The following PODXL2 variants were observed in gnomAD, a reference collection of about 807,000 sequenced individuals.
PODXL2 encodes the protein podocalyxin like 2.
PODXL2 carries 17 observed loss-of-function variants against 53.4 expected under a neutral mutation model. The ratio of observed to expected loss-of-function variants is 0.32; its 90% CI spans 0.22 to 0.48. PODXL2 has a LOEUF of 0.48. PODXL2 is among the 20% of genes least tolerant of loss of function. The pLI is 0.99. For synonymous variants in PODXL2, 311 were observed against 306.7 expected (o/e 1.01, Z -0.15); for missense variants, 673 against 760.0 (o/e 0.89, Z 1.35).
chr3:127,660,762 T>C lies in PODXL2; in HGVS notation c.734T>C (p.Leu245Pro), dbSNP rs753427864. ...VESSMGPSLLLPSVTPTTVTP... is the reference protein window; with the variant it reads ...VESSMGPSLLPPSVTPTTVTP... ...AGCAGCATGGGGCCCAGCTTGCTGC[T>C]GCCTTCAGTCACCCCAACTACAGTG... Residue 245 changes from leucine to proline, a missense_variant, in exon 3 of 8, where the codon CTG (leucine) becomes CCG (proline). Around this residue, in one of 3 missense-constraint regions of PODXL2, gnomAD observed 588 missense variants for 668.3 expected, o/e 0.88. Transcript: ENST00000342480. 1.9e-6 allele frequency: 3 copies of C among 1,614,128 alleles called. No individual in the cohort carries two copies. The East Asian group carries it at 6.7e-5, about 36-fold the overall frequency.
At chr3:127,635,679 CCAGCTGGATT>C (rs1474631342) in intron 1 of PODXL2, among the ~76,000 whole-genome samples, 3 of 152,222 alleles carry the variant, frequency 2.0e-5, no homozygotes, top group Non-Finnish European at 4.4e-5. Flanking sequence ...CCGTCACAGA[CCAGCTGGATT>C]CAGAACTCTA....
intron 1 of PODXL2, among the ~76,000 whole-genome samples, chr3:127,638,776 A>G (rs907183544): frequency 1.3e-5 from 2 of 152,240 alleles, no homozygotes; most frequent in Non-Finnish European, 2.9e-5. Context: ...GCTGAAATAC[A>G]AATGATATTC....
Position 127,672,270 on chromosome 3 carries a change from G to C in PODXL2, c.1608G>C (p.Ser536=), listed in dbSNP as rs1179600767. The C allele has an allele frequency of 6.5e-7, 1 of 1,543,192 alleles. No individual in the cohort carries two copies. The highest frequency in any genetic ancestry group is 1.4e-5 in the African/African-American group (1 of 73,144). The change falls in exon 8 of 8, where the codon TCG becomes TCC. Residue 536 remains serine (S), a splice_region_variant and synonymous_variant. Transcript: ENST00000342480. ...QRRLPKLKHV[S]HGEELRFVEN... ...GGCCTCTCCCCACCCCGCCTCAGTCGCACGGCGAGGAGCTGCGCTTCGTGG... is the reference window on the plus strand; with the variant it reads ...GGCCTCTCCCCACCCCGCCTCAGTCCCACGGCGAGGAGCTGCGCTTCGTGG...
In PODXL2 at chr3:127,672,251, T is replaced by A; in HGVS notation, c.1606-17T>A. The stretch of plus-strand genomic sequence containing the variant: ...GGCTGGCTCGCTCGCCCATGGCCTC[T>A]CCCCACCCCGCCTCAGTCGCACGGC... On this transcript the variant is annotated splice_polypyrimidine_tract_variant and intron_variant, in intron 7 of 7. Transcript: ENST00000342480. 1 of 1,538,194 alleles carries A rather than the reference T, an allele frequency of 6.5e-7. No individual in the cohort carries two copies. Among genetic ancestry groups the A allele is most frequent in the Non-Finnish European group, 8.7e-7 (1 of 1,144,986 alleles).
At chr3:127,635,552 A>G (rs2074572517) in intron 1 of PODXL2, among the ~76,000 whole-genome samples, 1 of 152,198 alleles carries the variant, frequency 6.6e-6, no homozygotes, top group Non-Finnish European at 1.5e-5. Flanking sequence ...TCATTTGGCT[A>G]TTTCTGTGTA....
intron 6 of PODXL2, among the ~76,000 whole-genome samples, chr3:127,671,188 C>G (rs1324344570): frequency 6.6e-6 from 1 of 152,122 alleles, no homozygotes; most frequent in African/African-American, 2.4e-5. Flanking sequence ...GGGGCAGAAG[C>G]TATGGTGGGA....
intron 5 of PODXL2, among the ~76,000 whole-genome samples, chr3:127,668,912 C>T (rs959299691): frequency 2.0e-5 from 3 of 152,104 alleles, no homozygotes; most frequent in African/African-American, 7.2e-5. Flanking sequence ...AGTGTGTGGG[C>T]TTCGCAAGTG....
intron 1 of PODXL2, among the ~76,000 whole-genome samples, chr3:127,630,719 G>C (rs546574986): frequency 6.6e-6 from 1 of 152,188 alleles, no homozygotes; most frequent in East Asian, 1.9e-4. Context: ...GTCAGTCTAG[G>C]GATGAAGAAA....
chr3:127,645,862 G>C (rs928627319), intron 2 of PODXL2, among the ~76,000 whole-genome samples: 4 of 152,214 alleles, frequency 2.6e-5, no homozygotes, highest in African/African-American at 7.2e-5. Context: ...CTGTCTAGGG[G>C]TTCTTGGGGA....
At chr3:127,634,552 A>G (rs930319094) in intron 1 of PODXL2, among the ~76,000 whole-genome samples, 1 of 149,452 alleles carries the variant, frequency 6.7e-6, no homozygotes, top group African/African-American at 2.5e-5. Context: ...GTTAAACTCT[A>G]TCTCTACTAA....
intron 2 of PODXL2, among the ~76,000 whole-genome samples, chr3:127,647,277 G>A (rs2074662501): frequency 6.6e-6 from 1 of 152,182 alleles, no homozygotes; most frequent in African/African-American, 2.4e-5. Context: ...CCACCAGCTA[G>A]CATCAAGTGA....
chr3:127,633,098 A>G (rs2074556898), intron 1 of PODXL2, among the ~76,000 whole-genome samples: 1 of 152,262 alleles, frequency 6.6e-6, no homozygotes, highest in Non-Finnish European at 1.5e-5. Flanking sequence ...ATTGGGAATC[A>G]CTTTACTAAT....
chr3:127,669,030 AG>A, intron 5 of PODXL2, 110 bp from the exon 6 acceptor site: 1 of 657,586 alleles, frequency 1.5e-6, no homozygotes, highest in Non-Finnish European at 2.6e-6. Context: ...AATTTGAGCC[AG>A]GAAGGGAGAC....
At chr3:127,667,480 A>G (rs1032358631) in intron 4 of PODXL2, among the ~76,000 whole-genome samples, 6 of 152,210 alleles carry the variant, frequency 3.9e-5, no homozygotes, top group African/African-American at 1.4e-4. Context: ...TTCAGGAGGG[A>G]GAAGGCTGCT....
intron 2 of PODXL2, among the ~76,000 whole-genome samples, chr3:127,655,622 G>A (rs1428251359): frequency 6.6e-6 from 1 of 152,186 alleles, no homozygotes; most frequent in Non-Finnish European, 1.5e-5. Flanking sequence ...AGATCATACA[G>A]CTGATAAGCA....
intron 2 of PODXL2, among the ~76,000 whole-genome samples, chr3:127,656,734 CAAAAAAAAA>C (rs71150487): frequency 0.1 from 2,811 of 28,102 alleles, 160 homozygotes; most frequent in African/African-American, 0.27. Context: ...GACTCCATCT[CAAAAAAAAA>C]AAAAAAAAAA....
At position 127,671,584 on chromosome 3, in the gene PODXL2, C is replaced by T; in HGVS notation, c.1576C>T (p.Gln526Ter). The part of the protein sequence containing the change: ...IALGLLYNCW[Q>*]RRLPKLKHVS... The stretch of plus-strand genomic sequence containing the variant: ...GCTTGGCCTGCTCTACAACTGCTGG[C>T]AGCGCCGGCTGCCCAAGCTCAAGCA... Residue 526 changes from glutamine to a stop codon, truncating the protein, a stop_gained, in exon 7 of 8, where the codon CAG becomes TAG. Coordinates refer to ENST00000342480, the MANE Select transcript of PODXL2 (RefSeq NM_015720.4). LOFTEE classifies it high-confidence loss of function. 1 of 1,613,880 alleles carries T rather than the reference C, an allele frequency of 6.2e-7. No individual in the cohort carries two copies. Among genetic ancestry groups the T allele is most frequent in the Non-Finnish European group, 8.5e-7 (1 of 1,180,006 alleles).
intron 2 of PODXL2, among the ~76,000 whole-genome samples, chr3:127,652,681 C>T (rs184711888): frequency 6.8e-4 from 104 of 152,264 alleles, no homozygotes; most frequent in African/African-American, 2.3e-3. Flanking sequence ...CCGGGCGGCT[C>T]GGCTTCCTCA....
At chr3:127,634,458 C>T (rs1163739226) in intron 1 of PODXL2, among the ~76,000 whole-genome samples, 2 of 147,462 alleles carry the variant, frequency 1.4e-5, no homozygotes, top group Non-Finnish European at 3.0e-5. Flanking sequence ...CACAGTGACT[C>T]ACACCTGTAA....
Sources: allele counts gnomAD v4.1 joint callset (sites outside exome capture counted in the v4.1 genomes callset), GRCh38; gene constraint gnomAD v4.1.1; regional missense constraint gnomAD v4.1.1; transcripts MANE v1.5; gene names NCBI Gene and HGNC (gene_info 2026-07-23, HGNC 2026-07-21).